UPB1: variants seen among roughly 807,000 people sequenced by gnomAD.
The protein encoded by UPB1 is beta-ureidopropionase.
UPB1 carries 40 observed loss-of-function variants against 49.1 expected under a neutral mutation model. The observed-to-expected ratio is 0.81, with a 90% CI of 0.63 to 1.06. UPB1 has a LOEUF of 1.06. Ranked by LOEUF, UPB1 falls within the 50% of genes least tolerant of loss-of-function variation. The pLI, the probability that UPB1 is intolerant of heterozygous loss-of-function variation, is 0.00. For synonymous variants in UPB1, 207 were observed against 198.2 expected (o/e 1.04, Z -0.38); for missense variants, 499 against 505.9 (o/e 0.99, Z 0.13).
intron 4 of UPB1, among the ~76,000 whole-genome samples, chr22:24,512,051 G>A (rs887274059): frequency 6.6e-6 from 1 of 151,858 alleles, no homozygotes; most frequent in African/African-American, 2.4e-5. Flanking sequence ...ATATACTTAG[G>A]GGCTTTTGGG....
intron 6 of UPB1, among the ~76,000 whole-genome samples, chr22:24,519,265 G>A (rs1377539099): frequency 1.3e-5 from 2 of 152,004 alleles, no homozygotes; most frequent in Non-Finnish European, 2.9e-5. Flanking sequence ...CTTATGACAA[G>A]CACCCACCCC....
At chr22:24,502,011 T>TA in intron 2 of UPB1, 115 bp from the exon 3 acceptor site, 1 of 1,029,980 alleles carries the variant, frequency 9.7e-7, no homozygotes, top group Non-Finnish European at 1.5e-6. Flanking sequence ...CTCCCCACCC[T>TA]ACTCCTCATA....
chr22:24,518,119 T>C (rs940997286), intron 6 of UPB1: 9 of 152,152 alleles, frequency 5.9e-5, no homozygotes, highest in Admixed American at 3.3e-4. Flanking sequence ...GAGCTGATAT[T>C]GCACCACTGC....
intron 4 of UPB1, among the ~76,000 whole-genome samples, chr22:24,511,408 G>T (rs1167235079): frequency 2.0e-5 from 3 of 152,016 alleles, no homozygotes; most frequent in African/African-American, 7.3e-5. Flanking sequence ...GACTGCTAAT[G>T]GATACAAAGT....
chr22:24,518,496 A>G (rs776233182), intron 6 of UPB1: 4 of 152,244 alleles, frequency 2.6e-5, no homozygotes, highest in Non-Finnish European at 4.4e-5. Flanking sequence ...TTTTCTTAAA[A>G]TGATGAATGA....
rs1033288967 is a variant in UPB1, at chr22:24,500,353, G to C, written c.276+75G>C. ...CCCTTGGAGCACACCTGCAGGCCCT[G>C]GCTGGCCGCATACTCCGGGTCTGCA... On this transcript the variant is annotated intron_variant, in intron 2 of 9. Transcript: ENST00000326010. 1.9e-6 allele frequency: 3 copies of C among 1,598,792 alleles called. No homozygotes were observed. In the African/African-American group the frequency reaches 4.0e-5, roughly 21 times the overall value.
chr22:24,502,104 C>A (rs1321442562), intron 2 of UPB1, 22 bp from the exon 3 acceptor site: 1 of 1,612,448 alleles, frequency 6.2e-7, no homozygotes, highest in African/African-American at 1.3e-5. Context: ...TAAATGGATT[C>A]TAATCCTTTT....
chr22:24,512,737 T>G (rs2044228122), intron 4 of UPB1, among the ~76,000 whole-genome samples: 1 of 152,204 alleles, frequency 6.6e-6, no homozygotes, highest in Non-Finnish European at 1.5e-5. Flanking sequence ...AGTTTCCATT[T>G]CTGTGAGTTT....
chr22:24,515,214 TGGAG>T lies in UPB1; in HGVS notation c.639_642del (p.Gly214ThrfsTer16). 1.9e-6 allele frequency: 3 copies of T among 1,614,162 alleles called. No individual in the cohort carries two copies. The highest frequency in any genetic ancestry group is 2.5e-6 in the Non-Finnish European group (3 of 1,180,038). ...TTTGCTTTTCAGTCAACTTACTACA[TGGAG>T]GGAAACCTGGGCCACCCCGTGTTCC... On this transcript the variant is annotated frameshift_variant, in exon 6 of 10. Coordinates refer to ENST00000326010, the MANE Select transcript of UPB1 (RefSeq NM_016327.3). LOFTEE classifies it high-confidence loss of function.
chr22:24,519,550 C>T (rs2044352213), intron 6 of UPB1, among the ~76,000 whole-genome samples: 1 of 152,140 alleles, frequency 6.6e-6, no homozygotes, highest in Admixed American at 6.5e-5. Flanking sequence ...GTGAGGAAGG[C>T]CCACAGCTCA....
At chr22:24,521,952 T>C in intron 7 of UPB1, 34 bp from the exon 8 acceptor site, 1 of 1,613,146 alleles carries the variant, frequency 6.2e-7, no homozygotes, top group Non-Finnish European at 8.5e-7. Context: ...TAGTGCCACC[T>C]ATAGGTTCCT....
chr22:24,510,497 T>G (rs1436407059), intron 3 of UPB1, among the ~76,000 whole-genome samples: 1 of 152,160 alleles, frequency 6.6e-6, no homozygotes, highest in Non-Finnish European at 1.5e-5. Context: ...TAAACATGAG[T>G]GTGCAAATAT....
At chr22:24,517,805 A>G (rs1348582035) in intron 6 of UPB1, among the ~76,000 whole-genome samples, 1 of 152,226 alleles carries the variant, frequency 6.6e-6, no homozygotes, top group Non-Finnish European at 1.5e-5. Context: ...ATGAGCTCCT[A>G]AAATGCTCAT....
At chr22:24,524,349 T>C (rs1221290921) in intron 9 of UPB1, among the ~76,000 whole-genome samples, 1 of 152,168 alleles carries the variant, frequency 6.6e-6, no homozygotes, top group Non-Finnish European at 1.5e-5. Flanking sequence ...TAATGCCCTG[T>C]GATGTCAGGA....
Position 24,502,140 on chromosome 22 carries a change from T to C in UPB1, c.291T>C (p.His97=), listed in dbSNP as rs756719003. Residue 97 remains histidine (H), a synonymous_variant, in exon 3 of 10, where the codon CAT becomes CAC. Transcript: ENST00000326010. ...TAAATTCTCAGGTCTCTGCCCTTCATAGACGCATAAAGGCTATCGTAGAGG... is the reference window on the plus strand; with the variant it reads ...TAAATTCTCAGGTCTCTGCCCTTCACAGACGCATAAAGGCTATCGTAGAGG... ...APVAEQVSAL[H]RRIKAIVEVA... is the part of the protein sequence containing the mutation. 2.5e-6 allele frequency: 4 copies of C among 1,614,228 alleles called. No individual in the cohort carries two copies. In the Admixed American group the frequency reaches 6.7e-5, roughly 27 times the overall value.
At chr22:24,505,535 A>G (rs1055613526) in intron 3 of UPB1, among the ~76,000 whole-genome samples, 3 of 152,160 alleles carry the variant, frequency 2.0e-5, no homozygotes, top group Non-Finnish European at 4.4e-5. Flanking sequence ...ATGTTTACTC[A>G]ATCCCTCTGT....
In UPB1 at chr22:24,520,477, C is replaced by T. The variant is rs111674727; in HGVS notation, c.873+9C>T. 1.8e-3 allele frequency: 2,914 copies of T among 1,613,330 alleles called. 47 individuals carry two copies. In the African/African-American group the frequency reaches 0.034, roughly 19 times the overall value. On this transcript the variant is annotated intron_variant, in intron 7 of 9. Coordinates refer to ENST00000326010, the MANE Select transcript of UPB1 (RefSeq NM_016327.3). ...TCAATCGAGTGGGCACCGTAAGTCC[C>T]GAGGTCTGGCTGGGGAGAGGAGCCA...
chr22:24,526,446 A>T lies in UPB1; in HGVS notation c.*652A>T, dbSNP rs763554233. The T allele has an allele frequency of 2.8e-4, 44 of 158,708 alleles. No individual in the cohort carries two copies. Among genetic ancestry groups the T allele is most frequent in the Non-Finnish European group, 4.7e-4 (34 of 71,590 alleles). 9.8% of individuals were successfully genotyped at this position (158,708 alleles called of 1,614,324 possible). On this transcript the variant is annotated 3_prime_UTR_variant, in exon 10 of 10. Transcript: ENST00000326010. ...TTCCCTGAGGAAGAAATTCTGCCTG[A>T]GGACAGCAGCCCAGTGCTTGGCGAG...
chr22:24,511,957 G>T (rs946741688), intron 4 of UPB1, among the ~76,000 whole-genome samples: 10 of 152,134 alleles, frequency 6.6e-5, no homozygotes, highest in Non-Finnish European at 1.3e-4. Context: ...AACCCATGAG[G>T]TGACGAATGG....
Sources: gnomAD v4.1 joint callset for allele counts (sites outside exome capture counted in the v4.1 genomes callset) on GRCh38, gnomAD v4.1.1 for gene constraint, MANE v1.5 for transcripts, NCBI Gene and HGNC (gene_info 2026-07-23, HGNC 2026-07-21) for gene names.